The following DDAH1 variants were observed in gnomAD, a reference collection of about 807,000 sequenced individuals.
The protein encoded by DDAH1 is dimethylarginine dimethylaminohydrolase 1.
In DDAH1, 19 loss-of-function variants were observed where a neutral mutation model predicts 28.8. The ratio of observed to expected loss-of-function variants is 0.66; its 90% confidence interval spans 0.46 to 0.97. The LOEUF is 0.97. Among genes scored for constraint, DDAH1 ranks in the 50% least tolerant of loss-of-function variants. DDAH1 has a pLI of 0.00. For synonymous variants in DDAH1, 153 were observed against 154.4 expected (o/e 0.99, Z 0.07); for missense variants, 326 against 375.9 (o/e 0.87, Z 1.10).
At chr1:85,386,224 TC>T (rs2100544601) in intron 1 of DDAH1, among the ~76,000 whole-genome samples, 1 of 152,312 alleles carries the variant, frequency 6.6e-6, no homozygotes, top group East Asian at 1.9e-4. Flanking sequence ...TGTTCCAGCA[TC>T]AACTCAGAAG....
chr1:85,534,433 GA>G (rs1275834596), intron 1 of DDAH1, among the ~76,000 whole-genome samples: 2 of 151,134 alleles, frequency 1.3e-5, no homozygotes, highest in African/African-American at 4.9e-5. Flanking sequence ...AGTGTTGTGT[GA>G]AAAAAAAGTA....
intron 1 of DDAH1, among the ~76,000 whole-genome samples, chr1:85,525,125 A>C (rs1326403418): frequency 6.6e-6 from 1 of 151,824 alleles, no homozygotes; most frequent in Non-Finnish European, 1.5e-5. Context: ...AGAACATCAC[A>C]GGCTATGGGC....
intron 4 of DDAH1, among the ~76,000 whole-genome samples, chr1:85,340,863 C>T (rs1186862110): frequency 6.6e-6 from 1 of 152,186 alleles, no homozygotes; most frequent in Non-Finnish European, 1.5e-5. Flanking sequence ...TCTTTCACCT[C>T]TCTCTCTGTT....
intron 1 of DDAH1, among the ~76,000 whole-genome samples, chr1:85,407,687 G>T (rs915310511): frequency 3.9e-5 from 6 of 152,148 alleles, no homozygotes; most frequent in Non-Finnish European, 5.9e-5. Context: ...CAAACTGAAA[G>T]AACTGATTGT....
At chr1:85,562,603 G>C (rs1172311528) in intron 1 of DDAH1, among the ~76,000 whole-genome samples, 1 of 152,138 alleles carries the variant, frequency 6.6e-6, no homozygotes, top group African/African-American at 2.4e-5. Context: ...TGATCACAGA[G>C]ACACAGGCAC....
chr1:85,500,233 T>C (rs1656775357), intron 1 of DDAH1, among the ~76,000 whole-genome samples: 1 of 150,826 alleles, frequency 6.6e-6, no homozygotes, highest in Non-Finnish European at 1.5e-5. Context: ...TTTTCCTTCC[T>C]TCCTTCTTTC....
At chr1:85,374,829 A>C (rs926712829) in intron 1 of DDAH1, among the ~76,000 whole-genome samples, 1 of 152,158 alleles carries the variant, frequency 6.6e-6, no homozygotes, top group African/African-American at 2.4e-5. Context: ...GATTGCTTTA[A>C]ATTAGATTTT....
At chr1:85,474,575 G>C (rs1453728631) in intron 2 of DDAH1, among the ~76,000 whole-genome samples, 1 of 152,228 alleles carries the variant, frequency 6.6e-6, no homozygotes, top group Non-Finnish European at 1.5e-5. Context: ...ACTTCCCTGG[G>C]TCCCCAGGTG....
chr1:85,518,196 CT>C (rs1357204283), intron 1 of DDAH1, among the ~76,000 whole-genome samples: 1 of 152,228 alleles, frequency 6.6e-6, no homozygotes, highest in African/African-American at 2.4e-5. Context: ...TCCCATTTCA[CT>C]ACAACTTATT....
chr1:85,428,714 T>C (rs1321175174), intron 1 of DDAH1, among the ~76,000 whole-genome samples: 1 of 152,046 alleles, frequency 6.6e-6, no homozygotes. Context: ...ACAACATAAA[T>C]AGCCAGCAGC....
chr1:85,486,169 T>A (rs1472565753), intron 2 of DDAH1, among the ~76,000 whole-genome samples: 1 of 152,204 alleles, frequency 6.6e-6, no homozygotes, highest in Admixed American at 6.5e-5. Context: ...TGGAACTTAC[T>A]ATCACAATGC....
At chr1:85,566,719 G>A (rs533827608) in intron 1 of DDAH1, among the ~76,000 whole-genome samples, 1 of 152,176 alleles carries the variant, frequency 6.6e-6, no homozygotes, top group Non-Finnish European at 1.5e-5. Flanking sequence ...AATTGTATTA[G>A]ATTAGTTATG....
intron 1 of DDAH1, among the ~76,000 whole-genome samples, chr1:85,417,981 G>C (rs1217127732): frequency 2.0e-5 from 3 of 152,176 alleles, no homozygotes; most frequent in Non-Finnish European, 2.9e-5. Flanking sequence ...TAGTTGCTTT[G>C]CGGAAAGTCT....
chr1:85,523,064 C>T (rs1242805858), intron 1 of DDAH1, among the ~76,000 whole-genome samples: 1 of 151,238 alleles, frequency 6.6e-6, no homozygotes, highest in Non-Finnish European at 1.5e-5. Context: ...GGGTGGGATG[C>T]ACGAGGAGTT....
At chr1:85,328,696 C>A (rs192499909) in intron 4 of DDAH1, among the ~76,000 whole-genome samples, 53 of 152,298 alleles carry the variant, frequency 3.5e-4, no homozygotes, top group Admixed American at 1.4e-3. Flanking sequence ...CTAAGTAGGA[C>A]CCCAGTGGTT....
At chr1:85,442,441 G>A (rs1326600443) in intron 1 of DDAH1, among the ~76,000 whole-genome samples, 1 of 152,166 alleles carries the variant, frequency 6.6e-6, no homozygotes, top group African/African-American at 2.4e-5. Context: ...ATGGACATCT[G>A]GGTTGGTTCC....
At chr1:85,466,292 C>T (rs563717443), upstream of DDAH1, among the ~76,000 whole-genome samples, 5 of 152,242 alleles carry the variant, frequency 3.3e-5, no homozygotes, top group African/African-American at 1.2e-4. Context: ...CTCTTGTTGC[C>T]CAGGCTGGAG....
At position 85,520,098 on chromosome 1, in the gene DDAH1, C is replaced by G. The variant is rs529759933; in HGVS notation, c.-122-23817G>C. Among the ~76,000 whole-genome samples, 15 of 152,178 alleles carry G rather than the reference C, an allele frequency of 9.9e-5. No homozygotes were observed. The South Asian group carries it at 1.2e-3, about 13-fold the overall frequency. ...TGTGTAGTCTTATATCCTTCACTCC[C>G]CTCCCACACTTCCCCCTGAATCCCC... On this transcript the variant is annotated intron_variant, in intron 1 of 6. Coordinates refer to the DDAH1 transcript ENST00000426972.
intron 1 of DDAH1, among the ~76,000 whole-genome samples, chr1:85,461,987 C>A (rs369450297): frequency 6.6e-6 from 1 of 152,154 alleles, no homozygotes; most frequent in Non-Finnish European, 1.5e-5. Flanking sequence ...TCTCTCCAGG[C>A]CTCAGTTTCA....
Sources: allele counts gnomAD v4.1 joint callset (sites outside exome capture counted in the v4.1 genomes callset), GRCh38; gene constraint gnomAD v4.1.1; transcripts MANE v1.5; gene names NCBI Gene and HGNC (gene_info 2026-07-23, HGNC 2026-07-21).